The following CLCN3 variants were observed in gnomAD, a reference collection of about 807,000 sequenced individuals.
CLCN3 encodes Cl-/H+ antiporter 3, also known as H(+)/Cl(-) exchange transporter 3.
Under a neutral mutation model 83.4 loss-of-function variants are expected in CLCN3, and 16 were observed. The ratio of observed to expected loss-of-function variants is 0.19; its 90% confidence interval spans 0.13 to 0.29. CLCN3 has a LOEUF of 0.29. Ranked by LOEUF, CLCN3 falls within the 10% of genes least tolerant of loss-of-function variation. The pLI, the probability that CLCN3 is intolerant of heterozygous loss-of-function variation, is 1.00. For missense variants in CLCN3, 544 were observed against 1,006.0 expected, an observed-to-expected ratio of 0.54 and a Z score of 6.21; for synonymous variants, 322 against 346.2, an observed-to-expected ratio of 0.93 and a Z score of 0.78.
At chr4:169,632,840 T>C (rs1773411584) in intron 1 of CLCN3, among the ~76,000 whole-genome samples, 1 of 151,842 alleles carries the variant, frequency 6.6e-6, no homozygotes, top group South Asian at 2.1e-4. Context: ...TAAGAGATGT[T>C]AACATGGAAT....
chr4:169,710,252 A>G (rs977457074), intron 11 of CLCN3, among the ~76,000 whole-genome samples: 1 of 152,178 alleles, frequency 6.6e-6, no homozygotes, highest in Non-Finnish European at 1.5e-5. Context: ...TTTCCAAATG[A>G]AATGAAAGAA....
At chr4:169,719,858 T>C (rs866358645) in intron 12 of CLCN3, 49 bp from the exon 13 acceptor site, 1 of 1,482,958 alleles carries the variant, frequency 6.7e-7, no homozygotes. Flanking sequence ...TAGCTTCTCC[T>C]TTTATTTTCC....
chr4:169,656,877 G>A (rs1024678262), intron 2 of CLCN3, among the ~76,000 whole-genome samples: 1 of 152,146 alleles, frequency 6.6e-6, no homozygotes, highest in African/African-American at 2.4e-5. Context: ...GGGGGTCGAA[G>A]CTTCAGTGAG....
At chr4:169,668,188 G>GT (rs1266707163) in intron 2 of CLCN3, among the ~76,000 whole-genome samples, 2 of 147,958 alleles carry the variant, frequency 1.4e-5, no homozygotes, top group East Asian at 4.1e-4. Flanking sequence ...TTTGTTATTT[G>GT]TTTTTTAAAT....
chr4:169,670,556 C>T lies in CLCN3; in HGVS notation c.161-9494C>T, dbSNP rs140300454. On this transcript the variant is annotated intron_variant, in intron 2 of 12. Transcript: ENST00000513761. Reference sequence around the variant, plus strand: ...TTTGAAGTCAGGTAGTATGATGCCTCCAGCTTTGTTATTTTTGCTTAGGAT... The same window carrying T: ...TTTGAAGTCAGGTAGTATGATGCCTTCAGCTTTGTTATTTTTGCTTAGGAT... 7.3e-3 allele frequency among the ~76,000 whole-genome samples: 1,105 copies of T among 152,254 alleles called. 12 individuals are homozygous for T. Among genetic ancestry groups the T allele is most frequent in the African/African-American group, 0.026 (1,061 of 41,536 alleles).
intron 1 of CLCN3, among the ~76,000 whole-genome samples, chr4:169,631,921 GTAA>G (rs1271223104): frequency 3.3e-5 from 5 of 151,008 alleles, no homozygotes; most frequent in African/African-American, 1.2e-4. Flanking sequence ...AATGGAATCG[GTAA>G]TAAAAAATCT....
At chr4:169,672,002 G>A (rs1731477081) in intron 2 of CLCN3, among the ~76,000 whole-genome samples, 1 of 152,022 alleles carries the variant, frequency 6.6e-6, no homozygotes, top group Non-Finnish European at 1.5e-5. Context: ...ACGAGGTCAG[G>A]AGATTGAGAC....
intron 5 of CLCN3, among the ~76,000 whole-genome samples, chr4:169,689,690 C>T (rs1732291543): frequency 6.6e-6 from 1 of 152,102 alleles, no homozygotes; most frequent in Non-Finnish European, 1.5e-5. Flanking sequence ...CTATGATCTA[C>T]AAAGAACATT....
chr4:169,716,781 G>A (rs1299327718), intron 12 of CLCN3, among the ~76,000 whole-genome samples: 1 of 151,986 alleles, frequency 6.6e-6, no homozygotes, highest in Non-Finnish European at 1.5e-5. Flanking sequence ...TTTACACCTG[G>A]ACGTAGCTAT....
intron 3 of CLCN3, among the ~76,000 whole-genome samples, chr4:169,682,214 TTATATAA>T (rs1319700581): frequency 2.6e-5 from 4 of 152,084 alleles, no homozygotes; most frequent in Admixed American, 1.3e-4. Flanking sequence ...ATGTTGACAC[TTATATAA>T]TATAATACAA....
At chr4:169,631,769 A>G (rs935007716) in intron 1 of CLCN3, among the ~76,000 whole-genome samples, 3 of 152,230 alleles carry the variant, frequency 2.0e-5, no homozygotes, top group Non-Finnish European at 2.9e-5. Context: ...TGGAAATACA[A>G]AAGATCCCCA....
chr4:169,679,875 G>C (rs1452158852), intron 2 of CLCN3, among the ~76,000 whole-genome samples, 175 bp from the exon 3 acceptor site: 2 of 121,566 alleles, frequency 1.6e-5, no homozygotes, highest in Non-Finnish European at 3.9e-5. Context: ...GGAGACCGTG[G>C]AAGGCGGGAG....
At chr4:169,711,138 CAG>C (rs774523175) in intron 11 of CLCN3, among the ~76,000 whole-genome samples, 37 of 152,274 alleles carry the variant, frequency 2.4e-4, no homozygotes, top group Non-Finnish European at 4.4e-4. Flanking sequence ...ACAAAAACTA[CAG>C]AGTTTTACTC....
intron 2 of CLCN3, among the ~76,000 whole-genome samples, chr4:169,652,932 T>C (rs1468365489): frequency 6.6e-6 from 1 of 152,228 alleles, no homozygotes; most frequent in Non-Finnish European, 1.5e-5. Flanking sequence ...ATTTTTCTAT[T>C]GGAGTGTCTA....
intron 3 of CLCN3, 77 bp downstream of exon 3, chr4:169,680,284 C>T (rs1731886261): frequency 1.0e-6 from 1 of 977,404 alleles, no homozygotes; most frequent in Non-Finnish European, 1.5e-6. Context: ...TGCCAATGAT[C>T]TCAGGCTGCC....
chr4:169,633,178 A>G (rs1291948722), intron 1 of CLCN3, among the ~76,000 whole-genome samples: 2 of 151,964 alleles, frequency 1.3e-5, no homozygotes, highest in South Asian at 2.1e-4. Context: ...ACGCCCGGCT[A>G]ATTTTTTATT....
chr4:169,690,477 A>T, intron 5 of CLCN3, 53 bp from the exon 6 acceptor site: 1 of 1,572,962 alleles, frequency 6.4e-7, no homozygotes, highest in South Asian at 1.2e-5. Context: ...AAGCATTTGC[A>T]TTAGAGGTGC....
chr4:169,648,431 T>C (rs1184089595), intron 2 of CLCN3, among the ~76,000 whole-genome samples: 2 of 152,194 alleles, frequency 1.3e-5, no homozygotes, highest in Non-Finnish European at 2.9e-5. Context: ...GTGCTTATTG[T>C]AGAAAATATA....
At chr4:169,642,379 A>G (rs1730439763) in intron 2 of CLCN3, among the ~76,000 whole-genome samples, 4 of 152,240 alleles carry the variant, frequency 2.6e-5, no homozygotes, top group Admixed American at 2.0e-4. Context: ...CCCTATTACT[A>G]ATATTAAGAT....
Sources: allele counts gnomAD v4.1 joint callset (sites outside exome capture counted in the v4.1 genomes callset), GRCh38; gene constraint gnomAD v4.1.1; transcripts MANE v1.5; gene names NCBI Gene and HGNC (gene_info 2026-07-23, HGNC 2026-07-21).